The following RNASEH2B variants were observed in gnomAD, a reference collection of about 807,000 sequenced individuals.
The protein encoded by RNASEH2B is Aicardi-Goutieres syndrome 2 protein.
In RNASEH2B, 36 loss-of-function variants were observed where a neutral mutation model predicts 45.0. That is an observed-to-expected ratio of 0.80 (90% CI 0.61 to 1.06). The LOEUF is 1.06. Ranked by LOEUF, RNASEH2B falls within the 50% of genes least tolerant of loss-of-function variation. RNASEH2B has a pLI of 0.00. For missense variants in RNASEH2B, 361 were observed against 360.3 expected (o/e 1.00, Z -0.02); for synonymous variants, 119 against 125.7 (o/e 0.95, Z 0.35).
At chr13:50,915,333 G>A (rs892735876) in intron 1 of RNASEH2B, 14 of 397,652 alleles carry the variant, frequency 3.5e-5, no homozygotes, top group African/African-American at 6.2e-5. Flanking sequence ...CAGCTTCTCC[G>A]TCTTGACTTT....
chr13:50,930,704 C>T lies in RNASEH2B; in HGVS notation c.266C>T (p.Thr89Ile). The T allele has an allele frequency of 6.2e-7, 1 of 1,613,742 alleles. No individual in the cohort carries two copies. Among genetic ancestry groups the T allele is most frequent in the Non-Finnish European group, 8.5e-7 (1 of 1,179,646 alleles). The change falls in exon 4 of 11, where the codon ACA becomes ATA. Residue 89 changes from threonine (T) to isoleucine (I), a missense_variant. Transcript: ENST00000336617. ...GCAGGAGGTCTTCTCCATTTTGCCA[C>T]ACCTGTGGATCCTCTATTTCTGCTT... ...VQSGGLLHFA[T>I]PVDPLFLLLH...
downstream of RNASEH2B, chr13:50,960,140 TC>T: frequency 8.8e-7 from 1 of 1,140,604 alleles, no homozygotes; most frequent in Non-Finnish European, 1.1e-6. Flanking sequence ...TCTGTTTTTT[TC>T]CAGCTAGGTC....
intron 5 of RNASEH2B, chr13:50,943,108 C>T: frequency 2.2e-6 from 1 of 446,264 alleles, no homozygotes; most frequent in Non-Finnish European, 4.0e-6. Context: ...TTCTTAAATT[C>T]TTACTCATTT....
chr13:50,939,063 G>A (rs1951798078), intron 5 of RNASEH2B: 1 of 152,228 alleles, frequency 6.6e-6, no homozygotes, highest in Non-Finnish European at 1.5e-5. Context: ...TTAAAAATTA[G>A]GCAGCTGTGG....
chr13:50,959,666 T>A (rs1056625741), downstream of RNASEH2B: 7 of 152,204 alleles, frequency 4.6e-5, no homozygotes, highest in Non-Finnish European at 1.0e-4. Context: ...TTGGTCAGGC[T>A]AGTCTTGAAC....
intron 9 of RNASEH2B, among the ~76,000 whole-genome samples, chr13:50,964,426 T>C (rs1020980465): frequency 6.6e-6 from 1 of 152,208 alleles, no homozygotes; most frequent in Non-Finnish European, 1.5e-5. Context: ...ACTTTACATA[T>C]AATAACTCAT....
At chr13:50,958,585 G>C (rs1348577757), downstream of RNASEH2B, among the ~76,000 whole-genome samples, 1 of 151,836 alleles carries the variant, frequency 6.6e-6, no homozygotes, top group Non-Finnish European at 1.5e-5. Flanking sequence ...CTTTTTTTTG[G>C]TTCCATATGA....
intron 7 of RNASEH2B, among the ~76,000 whole-genome samples, chr13:50,946,857 A>G (rs752720287): frequency 2.0e-5 from 3 of 152,174 alleles, no homozygotes; most frequent in Non-Finnish European, 2.9e-5. Flanking sequence ...CAAATGAACT[A>G]TATGTTGACT....
At chr13:50,957,089 CTT>C (rs879728194), downstream of RNASEH2B, among the ~76,000 whole-genome samples, 2 of 139,680 alleles carry the variant, frequency 1.4e-5, no homozygotes, top group Admixed American at 7.2e-5. Flanking sequence ...ACTTTGTAAC[CTT>C]TTTTTTTTTT....
intron 5 of RNASEH2B, chr13:50,941,129 T>C (rs762584177): frequency 6.6e-6 from 1 of 152,280 alleles, no homozygotes; most frequent in Non-Finnish European, 1.5e-5. Context: ...ATTAGTTTCT[T>C]ATGTTTTATT....
At chr13:50,944,198 A>G (rs763909498) in intron 6 of RNASEH2B, among the ~76,000 whole-genome samples, 5 of 152,128 alleles carry the variant, frequency 3.3e-5, no homozygotes, top group Admixed American at 6.5e-5. Context: ...TAAAAAAAAA[A>G]CTTTGAAAGC....
At chr13:50,967,613 ACT>A (rs1476158153) in intron 9 of RNASEH2B, among the ~76,000 whole-genome samples, 1 of 152,054 alleles carries the variant, frequency 6.6e-6, no homozygotes, top group East Asian at 1.9e-4. Flanking sequence ...TCACATCCAG[ACT>A]CTACCACATC....
At chr13:50,942,170 T>C (rs1331049298) in intron 5 of RNASEH2B, 1 of 152,188 alleles carries the variant, frequency 6.6e-6, no homozygotes, top group East Asian at 1.9e-4. Flanking sequence ...GAGGCTGGAA[T>C]AGAAGTGCTG....
intron 1 of RNASEH2B, chr13:50,915,330 T>C: frequency 2.5e-6 from 1 of 398,176 alleles, no homozygotes. Context: ...GCTCAGCTTC[T>C]CCGTCTTGAC....
At chr13:50,964,334 T>G (rs373797843) in intron 9 of RNASEH2B, among the ~76,000 whole-genome samples, 17 of 152,358 alleles carry the variant, frequency 1.1e-4, no homozygotes, top group African/African-American at 3.6e-4. Flanking sequence ...TCCTATTTCT[T>G]TTACGATCAT....
downstream of RNASEH2B, among the ~76,000 whole-genome samples, chr13:50,957,465 T>C (rs1167693733): frequency 6.6e-6 from 1 of 152,140 alleles, no homozygotes; most frequent in East Asian, 1.9e-4. Context: ...TATTCCATGG[T>C]GTATATATGC....
intron 9 of RNASEH2B, chr13:50,953,472 A>T (rs1358951784): frequency 5.0e-6 from 1 of 199,960 alleles, no homozygotes; most frequent in South Asian, 9.9e-5. Context: ...CCCTTCATTC[A>T]TAAGTGGACA....
chr13:50,969,176 T>A (rs1952193816), intron 9 of RNASEH2B, among the ~76,000 whole-genome samples: 3 of 152,114 alleles, frequency 2.0e-5, no homozygotes, highest in Admixed American at 1.3e-4. Flanking sequence ...ACAGATGATA[T>A]CTCAGATAGT....
intron 4 of RNASEH2B, 27 bp downstream of exon 4, chr13:50,930,786 A>G (rs1951671827): frequency 1.3e-6 from 2 of 1,535,376 alleles, no homozygotes; most frequent in Non-Finnish European, 1.8e-6. Context: ...GAGCATCCAC[A>G]GTGAGGAAAC....
Sources: allele counts gnomAD v4.1 joint callset (sites outside exome capture counted in the v4.1 genomes callset), GRCh38; gene constraint gnomAD v4.1.1; transcripts MANE v1.5; gene names NCBI Gene and HGNC (gene_info 2026-07-23, HGNC 2026-07-21).